The following GGT5 variants were observed in gnomAD, a reference collection of about 807,000 sequenced individuals.
The protein encoded by GGT5 is gamma-glutamyltransferase 5, also known as glutathione hydrolase 5 proenzyme.
In GGT5, 50 loss-of-function variants were observed where a neutral mutation model predicts 58.1. The observed-to-expected ratio is 0.86, with a 90% confidence interval of 0.69 to 1.09. GGT5 has a LOEUF of 1.09. Among genes scored for constraint, GGT5 ranks in the 50% least tolerant of loss-of-function variants. The pLI is 0.00. For missense variants in GGT5, 800 were observed against 789.4 expected, an observed-to-expected ratio of 1.01 and a Z score of -0.16; for synonymous variants, 370 against 346.1, an observed-to-expected ratio of 1.07 and a Z score of -0.77.
chr22:24,231,053 G>A (rs1274991514), intron 6 of GGT5, among the ~76,000 whole-genome samples: 3 of 152,150 alleles, frequency 2.0e-5, no homozygotes, highest in Non-Finnish European at 4.4e-5. Flanking sequence ...GCTCCCCCAG[G>A]TGCACGCCCC....
chr22:24,244,835 T>G lies in GGT5; in HGVS notation c.-110A>C. On this transcript the variant is annotated 5_prime_UTR_variant, in exon 1 of 12. Transcript: ENST00000327365. Reference sequence around the variant, plus strand: ...ACAGAGTCACAGGTAATTGGACAGATGGACAAACAGGTGGGGGCTGAAGAC... The same window carrying G: ...ACAGAGTCACAGGTAATTGGACAGAGGGACAAACAGGTGGGGGCTGAAGAC... 1.0e-5 allele frequency: 15 copies of G among 1,454,438 alleles called. No individual in the cohort carries two copies. Among genetic ancestry groups the G allele is most frequent in the African/African-American group, 1.4e-5 (1 of 70,756 alleles). The allele number at this position is 1,454,438 out of a possible 1,614,324, so 90.1% of individuals were successfully genotyped here. A position where few individuals can be genotyped will look rare whatever the true frequency, so the allele number is the denominator to read the frequency against.
Position 24,226,207 on chromosome 22 carries a change from A to T in GGT5, c.1098T>A (p.Asp366Glu), listed in dbSNP as rs968846591. 1.4e-5 allele frequency: 22 copies of T among 1,609,580 alleles called. No homozygotes were observed. The highest frequency in any genetic ancestry group is 2.7e-5 in the African/African-American group (2 of 74,808). Reference protein sequence around the residue: ...TLAQLIRQQIDGRGDHQLSHY... With the variant: ...TLAQLIRQQIEGRGDHQLSHY... The stretch of plus-strand genomic sequence containing the variant: ...GGCTGAGCTGGTGGTCCCCCCGGCC[A>T]TCGATCTGTTGGCGGATGAGCTGGG... The change falls in exon 8 of 12, where the codon GAT (aspartate) becomes GAA (glutamate). Residue 366 changes from aspartate (D) to glutamate (E), a missense_variant. Transcript: ENST00000327365.
intron 11 of GGT5, among the ~76,000 whole-genome samples, chr22:24,223,284 C>T (rs1369714329): frequency 6.6e-6 from 1 of 151,698 alleles, no homozygotes; most frequent in Non-Finnish European, 1.5e-5. Flanking sequence ...CATGTGTAGT[C>T]CCAGCTACTC....
chr22:24,223,754 CTTTTTTTTTTT>C (rs898258352), intron 11 of GGT5, among the ~76,000 whole-genome samples: 18 of 79,460 alleles, frequency 2.3e-4, no homozygotes, highest in Admixed American at 9.9e-4. Flanking sequence ...TGCTATCAAT[CTTTTTTTTTTT>C]TTTTTTTTTT....
intron 3 of GGT5, 38 bp downstream of exon 3, chr22:24,233,460 C>T: frequency 8.3e-7 from 1 of 1,208,080 alleles, no homozygotes; most frequent in East Asian, 2.4e-5. Context: ...TCCTAGTGGC[C>T]TGGGGGGTGG....
chr22:24,231,094 C>A (rs1345022422), intron 6 of GGT5, among the ~76,000 whole-genome samples: 1 of 152,180 alleles, frequency 6.6e-6, no homozygotes, highest in African/African-American at 2.4e-5. Context: ...ACACAGCCCA[C>A]CTGCTTCTGT....
Position 24,238,895 on chromosome 22 carries a change from AT to A in GGT5, c.174-4892del, listed in dbSNP as rs2048230885. ...ATATAATATATATTATATATTTTAT[AT>A]ATATATATATTATATATATTATATA... On this transcript the variant is annotated intron_variant, in intron 1 of 11. Transcript: ENST00000327365. 1.5e-3 allele frequency among the ~76,000 whole-genome samples: 18 copies of A among 12,176 alleles called. 1 individual carries two copies. Among genetic ancestry groups the A allele is most frequent in the Non-Finnish European group, 1.9e-3 (14 of 7,406 alleles). The allele number at this position is 12,176 out of a possible 152,430, so 8.0% of individuals were successfully genotyped here. A position where few individuals can be genotyped will look rare whatever the true frequency, so the allele number is the denominator to read the frequency against.
rs189282626 is a variant in GGT5, at chr22:24,224,014, C to T, written c.1614+982G>A. ...CTGACCTCAGGTGATCCACCCGCCT[C>T]GGCCTCCCAAAGTGCTGGGATTACA... On this transcript the variant is annotated intron_variant, in intron 11 of 11. Coordinates refer to ENST00000327365, the MANE Select transcript of GGT5 (RefSeq NM_004121.5). 1.6e-4 allele frequency among the ~76,000 whole-genome samples: 24 copies of T among 151,806 alleles called. No homozygotes were observed. The South Asian group carries it at 2.3e-3, about 14-fold the overall frequency.
In GGT5 at chr22:24,244,963, G is replaced by A. The variant is rs2048435400; in HGVS notation, c.-238C>T. 2 of 639,246 alleles carry A rather than the reference G, an allele frequency of 3.1e-6. No homozygotes were observed. Among genetic ancestry groups the A allele is most frequent in the East Asian group, 2.9e-5 (1 of 34,486 alleles). 39.6% of individuals were successfully genotyped at this position (639,246 alleles called of 1,614,324 possible). ...ATGGGACAGAGATGGGCTTACAGAT[G>A]GGCGGACAGACAGACAGGTCTGAAC... On this transcript the variant is annotated 5_prime_UTR_variant, in exon 1 of 12. Transcript: ENST00000327365.
At chr22:24,227,363 C>T (rs1397881870) in intron 6 of GGT5, among the ~76,000 whole-genome samples, 1 of 151,382 alleles carries the variant, frequency 6.6e-6, no homozygotes, top group Non-Finnish European at 1.5e-5. Context: ...TCTCCCGCCT[C>T]AGCCTCCCAA....
At chr22:24,224,138 G>T (rs1407572415) in intron 11 of GGT5, among the ~76,000 whole-genome samples, 1 of 152,098 alleles carries the variant, frequency 6.6e-6, no homozygotes, top group Non-Finnish European at 1.5e-5. Context: ...CTGAGTCTCT[G>T]TCTAAGGATA....
At chr22:24,234,633 A>G (rs1338323763) in intron 1 of GGT5, among the ~76,000 whole-genome samples, 2 of 152,166 alleles carry the variant, frequency 1.3e-5, no homozygotes, top group East Asian at 3.9e-4. Flanking sequence ...CAGCTTGGCC[A>G]ACATGGTGAA....
chr22:24,222,832 C>G (rs1795514650), intron 11 of GGT5, among the ~76,000 whole-genome samples: 1 of 152,144 alleles, frequency 6.6e-6, no homozygotes, highest in Non-Finnish European at 1.5e-5. Flanking sequence ...AATCCCAGCA[C>G]TTTGGGAGGC....
At position 24,238,888 on chromosome 22, in the gene GGT5, ATT is replaced by A. The variant is rs59505687; in HGVS notation, c.174-4886_174-4885del. Among the ~76,000 whole-genome samples, 27 of 14,636 alleles carry A rather than the reference ATT, an allele frequency of 1.8e-3. 2 individuals are homozygous for A. Among genetic ancestry groups the A allele is most frequent in the South Asian group, 0.013 (6 of 452 alleles). The allele number at this position is 14,636 out of a possible 152,430, so 9.6% of individuals were successfully genotyped here. A position where few individuals can be genotyped will look rare whatever the true frequency, so the allele number is the denominator to read the frequency against. On this transcript the variant is annotated intron_variant, in intron 1 of 11. Coordinates refer to ENST00000327365, the MANE Select transcript of GGT5 (RefSeq NM_004121.5). The stretch of plus-strand genomic sequence containing the variant: ...ATAATATATATAATATATATTATAT[ATT>A]TTATATATATATATATTATATATAT...
In GGT5 at chr22:24,232,089, C is replaced by A. The variant is rs753965719; in HGVS notation, c.716G>T (p.Arg239Met). The A allele has an allele frequency of 2.0e-5, 33 of 1,613,250 alleles. No homozygotes were observed. The highest frequency in any genetic ancestry group is 2.8e-5 in the Non-Finnish European group (33 of 1,179,632). The change falls in exon 5 of 12, where the codon AGG becomes ATG. Residue 239 changes from arginine (R) to methionine (M), a missense_variant. Arg to Met is a moderately conservative substitution (Grantham distance 91). Transcript: ENST00000327365. ...GTCCTCCACCAGCATCTGGCCCAGC[C>A]TCCCCGTGTAGAAGACCTCCACGCC... ...TEGVEVFYTG[R>M]LGQMLVEDIA...
chr22:24,235,022 C>T (rs1385925606), intron 1 of GGT5, among the ~76,000 whole-genome samples: 2 of 146,864 alleles, frequency 1.4e-5, no homozygotes, highest in African/African-American at 5.1e-5. Flanking sequence ...CCCAGGAATC[C>T]TTCCTCCCCA....
chr22:24,238,810 ATATTATATATATATATATATATT>A (rs2048196308), intron 1 of GGT5, among the ~76,000 whole-genome samples: 1 of 2,134 alleles, frequency 4.7e-4, no homozygotes, highest in Non-Finnish European at 7.8e-4. Flanking sequence ...TATATATAAT[ATATTATATATATATATATATATT>A]TATATATATA....
In GGT5 at chr22:24,232,087, G is replaced by C. The variant is rs2047959253; in HGVS notation, c.718C>G (p.Leu240Val). 1 of 1,613,136 alleles carries C rather than the reference G, an allele frequency of 6.2e-7. No individual in the cohort carries two copies. Among genetic ancestry groups the C allele is most frequent in the Non-Finnish European group, 8.5e-7 (1 of 1,179,494 alleles). The change falls in exon 5 of 12, where the codon CTG becomes GTG. Residue 240 changes from leucine to valine, a missense_variant. Coordinates refer to ENST00000327365, the MANE Select transcript of GGT5 (RefSeq NM_004121.5). ...ATGTCCTCCACCAGCATCTGGCCCA[G>C]CCTCCCCGTGTAGAAGACCTCCACG... ...EGVEVFYTGR[L>V]GQMLVEDIAK...
At position 24,227,230 on chromosome 22, in the gene GGT5, G is replaced by GT. The variant is rs1355975007; in HGVS notation, c.902-464dup. 7.3e-5 allele frequency among the ~76,000 whole-genome samples: 11 copies of GT among 151,678 alleles called. No individual in the cohort carries two copies. In the East Asian group the frequency reaches 1.9e-3, roughly 27 times the overall value. On this transcript the variant is annotated intron_variant, in intron 6 of 11. Transcript: ENST00000327365. Reference sequence around the variant, plus strand: ...CTCCCAAAGTGCTAGGATTACAGGCGTAAGCCATCATGCCCCGCCTTTTTT... The same window carrying GT: ...CTCCCAAAGTGCTAGGATTACAGGCGTTAAGCCATCATGCCCCGCCTTTTTT...
Sources: allele counts gnomAD v4.1 joint callset (sites outside exome capture counted in the v4.1 genomes callset), GRCh38; gene constraint gnomAD v4.1.1; transcripts MANE v1.5; gene names NCBI Gene and HGNC (gene_info 2026-07-23, HGNC 2026-07-21).